Variants in CSMD1 observed in about 807,000 individuals in gnomAD.
The protein encoded by CSMD1 is CUB and Sushi multiple domains 1, also known as CUB and sushi domain-containing protein 1.
A neutral mutation model predicts 417.5 loss-of-function variants in CSMD1; 213 were observed. That is an observed-to-expected ratio of 0.51 (90% CI 0.46 to 0.57). CSMD1 has a LOEUF of 0.57. Ranked by LOEUF, CSMD1 falls within the 20% of genes least tolerant of loss-of-function variation. The pLI is 0.00. For synonymous variants in CSMD1, 2,862 were observed against 1,736.8 expected, an observed-to-expected ratio of 1.65 and a Z score of -16.11; for missense variants, 6,923 against 4,529.7, an observed-to-expected ratio of 1.53 and a Z score of -15.17.
chr8:3,835,875 G>T (rs927372399), intron 5 of CSMD1, among the ~76,000 whole-genome samples: 1 of 151,870 alleles, frequency 6.6e-6, no homozygotes, highest in Non-Finnish European at 1.5e-5. Flanking sequence ...TGTACCATTC[G>T]TTTTTTCCAT....
intron 3 of CSMD1, among the ~76,000 whole-genome samples, chr8:4,054,027 G>C (rs563586070): frequency 6.6e-6 from 1 of 152,154 alleles, no homozygotes; most frequent in Non-Finnish European, 1.5e-5. Context: ...CATGGCCACA[G>C]CTTTGCTTAG....
chr8:3,693,797 C>CCT (rs771875509), intron 7 of CSMD1, among the ~76,000 whole-genome samples: 36 of 149,200 alleles, frequency 2.4e-4, no homozygotes, highest in East Asian at 1.8e-3. Context: ...GTGTTGGCGT[C>CCT]GTGTGTGTGT....
At chr8:3,258,730 G>C (rs190903983) in intron 26 of CSMD1, among the ~76,000 whole-genome samples, 2 of 152,252 alleles carry the variant, frequency 1.3e-5, no homozygotes, top group East Asian at 3.9e-4. Context: ...AGAAAACATG[G>C]TACATATACA....
intron 3 of CSMD1, among the ~76,000 whole-genome samples, chr8:4,335,986 G>T (rs1800146181): frequency 1.3e-5 from 2 of 152,242 alleles, no homozygotes; most frequent in Middle Eastern, 3.4e-3. Flanking sequence ...TATAGGGTCA[G>T]CCCCGCTCAC....
intron 4 of CSMD1, among the ~76,000 whole-genome samples, chr8:4,015,661 T>TAAAAAA (rs11371186): frequency 2.1e-5 from 2 of 97,488 alleles, no homozygotes; most frequent in African/African-American, 4.2e-5. Flanking sequence ...GTTTGAATCT[T>TAAAAAA]AAAAAAAAAA....
intron 3 of CSMD1, among the ~76,000 whole-genome samples, chr8:4,143,994 G>A (rs938370554): frequency 6.6e-6 from 1 of 151,338 alleles, no homozygotes; most frequent in African/African-American, 2.5e-5. Flanking sequence ...CTTTCCATCT[G>A]AGACACGGTG....
intron 3 of CSMD1, among the ~76,000 whole-genome samples, chr8:4,078,917 A>G (rs1180866365): frequency 7.8e-6 from 1 of 127,410 alleles, no homozygotes; most frequent in African/African-American, 3.3e-5. Context: ...ATATATATAT[A>G]TATATATATA....
chr8:3,847,190 G>C (rs1036249084), intron 5 of CSMD1, among the ~76,000 whole-genome samples: 1 of 152,092 alleles, frequency 6.6e-6, no homozygotes, highest in Non-Finnish European at 1.5e-5. Context: ...AGGTGGCGCG[G>C]TGTCACTCTT....
chr8:3,510,971 G>T (rs1193613188), intron 10 of CSMD1, among the ~76,000 whole-genome samples: 1 of 151,736 alleles, frequency 6.6e-6, no homozygotes, highest in Non-Finnish European at 1.5e-5. Flanking sequence ...CAAAGACTTG[G>T]AATGAACCCA....
intron 26 of CSMD1, among the ~76,000 whole-genome samples, chr8:3,250,985 T>G (rs1800212904): frequency 6.6e-6 from 1 of 152,224 alleles, no homozygotes; most frequent in Admixed American, 6.5e-5. Context: ...ATGAGTAGAT[T>G]GTGAAAATTT....
At chr8:4,125,015 C>T (rs1000860032) in intron 3 of CSMD1, among the ~76,000 whole-genome samples, 1 of 152,060 alleles carries the variant, frequency 6.6e-6, no homozygotes, top group Admixed American at 6.5e-5. Context: ...ATCTTGCCGC[C>T]GCACACTCTT....
intron 7 of CSMD1, among the ~76,000 whole-genome samples, chr8:3,629,895 A>G (rs1053196873): frequency 6.6e-5 from 10 of 152,228 alleles, no homozygotes; most frequent in Admixed American, 1.3e-4. Flanking sequence ...TTTCACTTAG[A>G]AAAAAGTAGA....
At chr8:3,368,022 A>G (rs555517946) in intron 19 of CSMD1, among the ~76,000 whole-genome samples, 2 of 152,320 alleles carry the variant, frequency 1.3e-5, no homozygotes, top group East Asian at 3.9e-4. Flanking sequence ...AAAGCATATG[A>G]CCTCATAGTA....
intron 10 of CSMD1, among the ~76,000 whole-genome samples, chr8:3,546,591 G>A (rs1461216400): frequency 4.0e-5 from 6 of 151,716 alleles, no homozygotes; most frequent in Non-Finnish European, 2.9e-5. Flanking sequence ...TCACAGTACT[G>A]AGCAATTGTC....
intron 1 of CSMD1, among the ~76,000 whole-genome samples, chr8:4,696,874 A>G (rs539337074): frequency 1.8e-4 from 28 of 152,340 alleles, no homozygotes; most frequent in Middle Eastern, 6.8e-3. Context: ...TCTTGAAACT[A>G]TGAATTCAAA....
intron 1 of CSMD1, among the ~76,000 whole-genome samples, chr8:4,739,912 C>A (rs946440818): frequency 3.9e-5 from 6 of 152,292 alleles, no homozygotes; most frequent in Middle Eastern, 3.4e-3. Context: ...TCCACCCTCC[C>A]TTCTTCAGTT....
intron 5 of CSMD1, among the ~76,000 whole-genome samples, chr8:3,833,221 T>C (rs74749442): frequency 6.6e-6 from 1 of 152,144 alleles, no homozygotes; most frequent in Non-Finnish European, 1.5e-5. Flanking sequence ...TTTTTGTCCG[T>C]ACTGTAATTC....
intron 2 of CSMD1, among the ~76,000 whole-genome samples, chr8:4,609,312 G>C (rs773851466): frequency 6.6e-6 from 1 of 152,128 alleles, no homozygotes; most frequent in Non-Finnish European, 1.5e-5. Flanking sequence ...GAGGTGGGAG[G>C]ATTGCTGGAG....
intron 2 of CSMD1, among the ~76,000 whole-genome samples, chr8:4,515,806 T>G (rs928960681): frequency 9.2e-5 from 14 of 152,164 alleles, no homozygotes; most frequent in Admixed American, 3.3e-4. Context: ...TGTGCACTGA[T>G]GCCCGGGTTG....
Sources: gnomAD v4.1 joint callset for allele counts (sites outside exome capture counted in the v4.1 genomes callset) on GRCh38, gnomAD v4.1.1 for gene constraint, MANE v1.5 for transcripts, NCBI Gene and HGNC (gene_info 2026-07-23, HGNC 2026-07-21) for gene names.